STK3: variants seen among roughly 807,000 people sequenced by gnomAD.
STK3 encodes serine/threonine kinase 3.
STK3 carries 41 observed loss-of-function variants against 58.0 expected under a neutral mutation model. That is an observed-to-expected ratio of 0.71 (90% confidence interval 0.55 to 0.92). The LOEUF (loss-of-function observed/expected upper bound fraction) is 0.92, where lower values mean the gene tolerates loss of function less well. Ranked by LOEUF, STK3 falls within the 40% of genes least tolerant of loss-of-function variation. The probability of loss-of-function intolerance (pLI) is 0.00; values close to 1 mark genes in which losing one functional copy is unlikely to be tolerated. For missense variants in STK3, 479 were observed against 602.7 expected (o/e 0.79, Z 2.15); for synonymous variants, 170 against 191.0 (o/e 0.89, Z 0.91).
intron 4 of STK3, among the ~76,000 whole-genome samples, chr8:98,738,804 A>T (rs1362366058): frequency 6.6e-6 from 1 of 152,198 alleles, no homozygotes; most frequent in Non-Finnish European, 1.5e-5. Flanking sequence ...TCACTCGGGA[A>T]GCGCAAGGGG....
At position 98,505,452 on chromosome 8, in the gene STK3, C is replaced by G. The variant is rs148992061; in HGVS notation, c.1317+21290G>C. On this transcript the variant is annotated intron_variant, in intron 10 of 10. Transcript: ENST00000419617. ...TCCATTGCTGGTGAGGAGCTGCCAT[C>G]CTTTTGGGGAGAAGAGGTGCTCTTG... Among the ~76,000 whole-genome samples the G allele has an allele frequency of 4.3e-3, 649 of 152,304 alleles. 5 individuals are homozygous for G. The highest frequency in any genetic ancestry group is 0.014 in the African/African-American group (582 of 41,560).
At chr8:98,430,045 G>C (rs1346278585) in intron 3 of STK3, 1 of 167,124 alleles carries the variant, frequency 6.0e-6, no homozygotes, top group Non-Finnish European at 1.5e-5. Context: ...ATCATCTTTA[G>C]AACGATGTAC....
At chr8:98,528,344 T>C (rs900535123) in intron 9 of STK3, among the ~76,000 whole-genome samples, 1 of 152,196 alleles carries the variant, frequency 6.6e-6, no homozygotes, top group Non-Finnish European at 1.5e-5. Flanking sequence ...ATAACTAGAT[T>C]TTTAATCTGG....
chr8:98,404,696 A>AAAAG (rs1236198546), intron 3 of STK3, among the ~76,000 whole-genome samples: 1 of 150,144 alleles, frequency 6.7e-6, no homozygotes, highest in African/African-American at 2.5e-5. Context: ...AAAAAAAAAA[A>AAAAG]AAAATTTAGC....
At chr8:98,395,341 G>A (rs1275109850) in intron 3 of STK3, among the ~76,000 whole-genome samples, 1 of 152,180 alleles carries the variant, frequency 6.6e-6, no homozygotes, top group African/African-American at 2.4e-5. Context: ...TGGCAAGCAA[G>A]ATCTAGTGTT....
Position 98,819,409 on chromosome 8 carries a change from G to A in STK3, c.26+6106C>T, listed in dbSNP as rs567632845. On this transcript the variant is annotated intron_variant, in intron 1 of 10. Coordinates refer to ENST00000419617, the MANE Select transcript of STK3 (RefSeq NM_006281.4). ...CAGAAGTTTGTTTACCGGAAGTATTGCAAATTTTATTGTCGCACTCCCTCT... is the reference window on the plus strand; with the variant it reads ...CAGAAGTTTGTTTACCGGAAGTATTACAAATTTTATTGTCGCACTCCCTCT... Among the ~76,000 whole-genome samples, 33 of 152,218 alleles carry A rather than the reference G, an allele frequency of 2.2e-4. No individual in the cohort carries two copies. In the South Asian group the frequency reaches 6.4e-3, roughly 30 times the overall value.
At chr8:98,779,614 A>G (rs922348859) in intron 1 of STK3, among the ~76,000 whole-genome samples, 1 of 152,334 alleles carries the variant, frequency 6.6e-6, no homozygotes, top group African/African-American at 2.4e-5. Context: ...CCCAGCCCCA[A>G]AATATCTCAT....
chr8:98,345,528 G>C, the STK3 span, among the ~76,000 whole-genome samples: 2 of 152,068 alleles, frequency 1.3e-5, no homozygotes, highest in East Asian at 3.9e-4. Flanking sequence ...GTCATCTAGG[G>C]AAAGGCGGTC....
chr8:98,548,874 A>C (rs1285252122), intron 8 of STK3, among the ~76,000 whole-genome samples: 1 of 152,184 alleles, frequency 6.6e-6, no homozygotes, highest in Non-Finnish European at 1.5e-5. Context: ...ATGTAAGTGG[A>C]ATCATACAAT....
chr8:98,936,139 CG>C (rs575000615), intron 1 of STK3, among the ~76,000 whole-genome samples: 18 of 152,150 alleles, frequency 1.2e-4, no homozygotes, highest in Middle Eastern at 6.8e-3. Flanking sequence ...AGGATGGTCT[CG>C]ATCTCCTAAG....
At chr8:98,928,670 A>G (rs1044945711) in intron 1 of STK3, among the ~76,000 whole-genome samples, 1 of 152,208 alleles carries the variant, frequency 6.6e-6, no homozygotes, top group Non-Finnish European at 1.5e-5. Flanking sequence ...CTCATTAACC[A>G]AGCACCATTC....
At chr8:98,757,451 C>T (rs1222140059) in intron 3 of STK3, among the ~76,000 whole-genome samples, 4 of 148,932 alleles carry the variant, frequency 2.7e-5, no homozygotes, top group South Asian at 2.2e-4. Context: ...AAAAATTAGC[C>T]GGGCCTGGTG....
chr8:98,845,969 T>A (rs1836184698), intron 3 of STK3, among the ~76,000 whole-genome samples: 1 of 152,208 alleles, frequency 6.6e-6, no homozygotes, highest in African/African-American at 2.4e-5. Flanking sequence ...GAGTAGGAAG[T>A]TGCTGTTGTC....
intron 6 of STK3, among the ~76,000 whole-genome samples, chr8:98,697,326 T>G (rs1825051055): frequency 6.6e-6 from 1 of 152,198 alleles, no homozygotes; most frequent in South Asian, 2.1e-4. Flanking sequence ...ATTCATTAAT[T>G]TTTTGAAGGG....
At chr8:98,465,246 A>G (rs1017090884) in intron 10 of STK3, among the ~76,000 whole-genome samples, 4 of 152,198 alleles carry the variant, frequency 2.6e-5, no homozygotes, top group Non-Finnish European at 5.9e-5. Flanking sequence ...TAGGTCTCTC[A>G]GCTAGAGGTG....
At chr8:98,626,511 T>C (rs1818728496) in intron 6 of STK3, among the ~76,000 whole-genome samples, 1 of 152,200 alleles carries the variant, frequency 6.6e-6, no homozygotes, top group African/African-American at 2.4e-5. Flanking sequence ...CCATATAACT[T>C]GTAAAGACTA....
intron 9 of STK3, among the ~76,000 whole-genome samples, chr8:98,530,987 G>A (rs192148093): frequency 2.4e-3 from 360 of 152,242 alleles, no homozygotes; most frequent in Non-Finnish European, 3.9e-3. Flanking sequence ...TAGTTCTTTC[G>A]CTATTACCAT....
chr8:98,677,348 C>T (rs1823300206), intron 6 of STK3, among the ~76,000 whole-genome samples: 1 of 146,554 alleles, frequency 6.8e-6, no homozygotes, highest in African/African-American at 2.5e-5. Context: ...CCCCCGCCCC[C>T]ACCGCCACCC....
intron 6 of STK3, among the ~76,000 whole-genome samples, chr8:98,646,458 AC>A (rs1479600768): frequency 6.6e-6 from 1 of 152,106 alleles, no homozygotes; most frequent in Non-Finnish European, 1.5e-5. Context: ...AATTGTAGTA[AC>A]TCTATTCAGA....
Sources: gnomAD v4.1 joint callset for allele counts (sites outside exome capture counted in the v4.1 genomes callset) on GRCh38, gnomAD v4.1.1 for gene constraint, MANE v1.5 for transcripts, NCBI Gene and HGNC (gene_info 2026-07-23, HGNC 2026-07-21) for gene names.